The following NF1 variants were observed in gnomAD, a reference collection of about 807,000 sequenced individuals.
The protein encoded by NF1 is neurofibromin 1, also known as neurofibromin.
Under a neutral mutation model 325.7 loss-of-function variants are expected in NF1, and 122 were observed. The observed-to-expected ratio is 0.37, with a 90% CI of 0.32 to 0.44. NF1 has a LOEUF of 0.44. Among genes scored for constraint, NF1 ranks in the 20% least tolerant of loss-of-function variants. NF1 has a pLI of 1.00. For synonymous variants in NF1, 1,091 were observed against 1,186.0 expected, an observed-to-expected ratio of 0.92 and a Z score of 1.65; for missense variants, 2,140 against 3,415.4, an observed-to-expected ratio of 0.63 and a Z score of 9.31.
At chr17:31,337,923 G>A (rs368912064) in intron 44 of NF1, 43 bp downstream of exon 44, 2 of 1,573,858 alleles carry the variant, frequency 1.3e-6, no homozygotes, top group Non-Finnish European at 1.7e-6. Context: ...TATGCATATT[G>A]TTGAAAATAC....
chr17:31,174,975 G>T (rs1009138869), intron 5 of NF1, among the ~76,000 whole-genome samples: 2 of 151,868 alleles, frequency 1.3e-5, no homozygotes, highest in Admixed American at 1.3e-4. Flanking sequence ...TGGGTGTAGT[G>T]GCGCACGCCT....
At chr17:31,317,007 G>A (rs1163821825) in intron 36 of NF1, among the ~76,000 whole-genome samples, 1 of 152,084 alleles carries the variant, frequency 6.6e-6, no homozygotes, top group African/African-American at 2.4e-5. Context: ...ATTAGGCATT[G>A]GTGTTTTTTA....
chr17:31,262,862 T>C (rs1597750192), intron 35 of NF1, among the ~76,000 whole-genome samples: 1 of 152,260 alleles, frequency 6.6e-6, no homozygotes, highest in East Asian at 1.9e-4. Context: ...CATTACCTAA[T>C]TGAAAATTAT....
chr17:31,159,434 G>C (rs1307469451), intron 3 of NF1, among the ~76,000 whole-genome samples: 1 of 152,150 alleles, frequency 6.6e-6, no homozygotes, highest in Non-Finnish European at 1.5e-5. Context: ...CGATTCAGAA[G>C]TCCAAGAGTA....
At position 31,330,442 on chromosome 17, in the gene NF1, A is replaced by C; in HGVS notation, c.5756A>C (p.Glu1919Ala). The C allele has an allele frequency of 6.2e-7, 1 of 1,614,000 alleles. No individual in the cohort carries two copies. The highest frequency in any genetic ancestry group is 8.5e-7 in the Non-Finnish European group (1 of 1,179,888). Residue 1919 changes from glutamate to alanine, a missense_variant, in exon 39 of 58, where the codon GAG becomes GCG. Glu to Ala is a moderately radical substitution (Grantham distance 107). Around this residue, in one of 10 missense-constraint regions of NF1, gnomAD observed 180 missense variants for 435.1 expected, o/e 0.41. Coordinates refer to ENST00000358273, the MANE Select transcript of NF1 (RefSeq NM_001042492.3). ...VSISKTLAAN[E>A]PHLTLEFLEE... ...ATTAGTAAGACACTGGCAGCCAATG[A>C]GCCACACCTCACGTTAGAATTTTTG...
rs141563605 is a variant in NF1 at position 31,323,214 on chromosome 17, A to G, written c.4836-2606A>G. Among the ~76,000 whole-genome samples the G allele has an allele frequency of 3.5e-3, 526 of 152,176 alleles. 4 individuals are homozygous for G. Among genetic ancestry groups the G allele is most frequent in the African/African-American group, 0.012 (491 of 41,518 alleles). On this transcript the variant is annotated intron_variant, in intron 36 of 57. Transcript: ENST00000358273. ...GAAATTCGAGACCAGCCTGGGCAGCATGGCAAAATCCTGTCTCTACAAAAA... is the reference window on the plus strand; with the variant it reads ...GAAATTCGAGACCAGCCTGGGCAGCGTGGCAAAATCCTGTCTCTACAAAAA...
intron 29 of NF1, among the ~76,000 whole-genome samples, chr17:31,242,303 C>CTTT (rs1354000708): frequency 8.5e-5 from 8 of 94,250 alleles, no homozygotes; most frequent in East Asian, 3.2e-4. Flanking sequence ...TTCATAAGTT[C>CTTT]TCTTTTTTTT....
chr17:31,111,483 G>A (rs1029060029), intron 1 of NF1, among the ~76,000 whole-genome samples: 1 of 152,166 alleles, frequency 6.6e-6, no homozygotes, highest in Admixed American at 6.5e-5. Flanking sequence ...CAGAAACAAA[G>A]AGAAACGCTT....
At chr17:31,339,496 A>T (rs1445474590) in intron 46 of NF1, among the ~76,000 whole-genome samples, 1 of 152,234 alleles carries the variant, frequency 6.6e-6, no homozygotes, top group Non-Finnish European at 1.5e-5. Flanking sequence ...TGATTTGAGT[A>T]CAAAGGTATG....
At chr17:31,141,380 G>C (rs558673992) in intron 1 of NF1, among the ~76,000 whole-genome samples, 54 of 151,702 alleles carry the variant, frequency 3.6e-4, no homozygotes, top group African/African-American at 1.3e-3. Flanking sequence ...ACATCTATGT[G>C]ATTTTAGGTA....
At chr17:31,296,274 G>C in intron 36 of NF1, 1 of 1,613,984 alleles carries the variant, frequency 6.2e-7, no homozygotes, top group Non-Finnish European at 8.5e-7. Context: ...AAAATACCAG[G>C]TGTGAGAAAC....
At chr17:31,339,600 T>G (rs2069767059) in intron 46 of NF1, among the ~76,000 whole-genome samples, 1 of 152,180 alleles carries the variant, frequency 6.6e-6, no homozygotes, top group Non-Finnish European at 1.5e-5. Context: ...AATGGTTCTC[T>G]GGTCCCCATC....
chr17:31,375,249 A>T lies in NF1; in HGVS notation c.*1094A>T. ...GTATATTATAAATTTCTTTGATAAG[A>T]TGTATTTTGAATGTCTTTTAATCTT... On this transcript the variant is annotated 3_prime_UTR_variant, in exon 58 of 58. Coordinates refer to ENST00000358273, the MANE Select transcript of NF1 (RefSeq NM_001042492.3). The T allele has an allele frequency of 4.4e-6, 1 of 226,630 alleles. No homozygotes were observed. The highest frequency in any genetic ancestry group is 6.4e-5 in the East Asian group (1 of 15,586). The allele number at this position is 226,630 out of a possible 1,614,324, so 14.0% of individuals were successfully genotyped here.
At chr17:31,372,545 C>T (rs1342424125) in intron 57 of NF1, among the ~76,000 whole-genome samples, 1 of 152,128 alleles carries the variant, frequency 6.6e-6, no homozygotes, top group African/African-American at 2.4e-5. Flanking sequence ...CATCAAGAAA[C>T]AGAACATTAC....
At chr17:31,150,410 C>T (rs1237406221) in intron 1 of NF1, among the ~76,000 whole-genome samples, 1 of 152,102 alleles carries the variant, frequency 6.6e-6, no homozygotes, top group Non-Finnish European at 1.5e-5. Flanking sequence ...TGTTTTTGTT[C>T]TGGTGGTTAC....
At chr17:31,264,567 C>G (rs2067752849) in intron 35 of NF1, among the ~76,000 whole-genome samples, 1 of 151,846 alleles carries the variant, frequency 6.6e-6, no homozygotes, top group Admixed American at 6.6e-5. Flanking sequence ...GTAGGTGTTC[C>G]CTAGAAACTG....
intron 5 of NF1, among the ~76,000 whole-genome samples, chr17:31,175,494 C>A (rs759846127): frequency 2.6e-5 from 4 of 151,862 alleles, no homozygotes; most frequent in Admixed American, 1.3e-4. Flanking sequence ...AGATTATAGG[C>A]GTGAGCCATC....
intron 36 of NF1, chr17:31,318,449 A>G (rs770815786): frequency 3.1e-5 from 50 of 1,613,884 alleles, no homozygotes; most frequent in East Asian, 6.7e-5. Context: ...TCAGCGGGCC[A>G]TAGACCGCTT....
Position 31,258,460 on chromosome 17 carries a change from G to A in NF1, c.4290G>A (p.Lys1430=), listed in dbSNP as rs373086572. 1.9e-6 allele frequency: 3 copies of A among 1,613,730 alleles called. No individual in the cohort carries two copies. The highest frequency in any genetic ancestry group is 2.5e-6 in the Non-Finnish European group (3 of 1,179,900). The change falls in exon 32 of 58, where the codon AAG becomes AAA. Residue 1430 remains lysine (K), a synonymous_variant. Transcript: ENST00000358273. ...SPYEAGILDK[K]PPPRIERGLK... is the part of the protein sequence containing the mutation. ...ATGAAGCAGGGATTTTAGATAAAAAGCCACCACCTAGAATCGAAAGGGGCT... is the reference window on the plus strand; with the variant it reads ...ATGAAGCAGGGATTTTAGATAAAAAACCACCACCTAGAATCGAAAGGGGCT...
Sources: gnomAD v4.1 joint callset for allele counts (sites outside exome capture counted in the v4.1 genomes callset) on GRCh38, gnomAD v4.1.1 for gene constraint, gnomAD v4.1.1 regional missense constraint, MANE v1.5 for transcripts, NCBI Gene and HGNC (gene_info 2026-07-23, HGNC 2026-07-21) for gene names.